LDAH: variants seen among roughly 807,000 people sequenced by gnomAD.
LDAH encodes lipid droplet associated hydrolase.
LDAH carries 26 observed loss-of-function variants against 29.6 expected under a neutral mutation model. The ratio of observed to expected loss-of-function variants is 0.88; its 90% CI spans 0.64 to 1.22. The LOEUF (loss-of-function observed/expected upper bound fraction) is 1.22. Among genes scored for constraint, LDAH ranks in the 50% most tolerant of loss-of-function variants. The probability of loss-of-function intolerance (pLI) is 0.00; values close to 1 mark genes in which losing one functional copy is unlikely to be tolerated. For synonymous variants in LDAH, 117 were observed against 133.0 expected (o/e 0.88, Z 0.83); for missense variants, 344 against 387.3 (o/e 0.89, Z 0.94).
intron 1 of LDAH, among the ~76,000 whole-genome samples, chr2:20,816,658 C>T (rs1365697248): frequency 6.6e-6 from 1 of 151,930 alleles, no homozygotes; most frequent in African/African-American, 2.4e-5. Flanking sequence ...GGATCTTCAG[C>T]AACGAAAATA....
intron 3 of LDAH, among the ~76,000 whole-genome samples, chr2:20,775,220 T>C (rs1669726319): frequency 6.6e-6 from 1 of 152,230 alleles, no homozygotes; most frequent in South Asian, 2.1e-4. Context: ...AGGTGACAGA[T>C]TAATAGTCAC....
intron 5 of LDAH, among the ~76,000 whole-genome samples, chr2:20,721,293 T>C (rs1172351683): frequency 6.6e-6 from 1 of 151,928 alleles, no homozygotes; most frequent in Non-Finnish European, 1.5e-5. Flanking sequence ...TGATGACAAA[T>C]AATCTGAATA....
At chr2:20,776,137 T>A (rs898170404) in intron 3 of LDAH, among the ~76,000 whole-genome samples, 1 of 152,190 alleles carries the variant, frequency 6.6e-6, no homozygotes, top group Non-Finnish European at 1.5e-5. Flanking sequence ...TCTCATGACT[T>A]GCAAGGCATT....
chr2:20,708,908 A>G (rs1664501319), intron 5 of LDAH, among the ~76,000 whole-genome samples: 1 of 152,228 alleles, frequency 6.6e-6, no homozygotes, highest in African/African-American at 2.4e-5. Context: ...ATGGGAAAAG[A>G]TCATATGTCT....
intron 4 of LDAH, among the ~76,000 whole-genome samples, chr2:20,748,778 A>T (rs586277): frequency 0.67 from 101,357 of 151,972 alleles, 34,447 homozygotes; most frequent in East Asian, 0.87. Context: ...TTTGGCAATA[A>T]CAGGCCTTTC....
intron 1 of LDAH, among the ~76,000 whole-genome samples, chr2:20,821,206 G>A (rs910634414): frequency 1.3e-5 from 2 of 152,204 alleles, no homozygotes; most frequent in African/African-American, 4.8e-5. Context: ...AAGTCAGTGT[G>A]GCGATTCCTC....
At chr2:20,723,653 C>G (rs1174183757) in intron 5 of LDAH, among the ~76,000 whole-genome samples, 1 of 152,048 alleles carries the variant, frequency 6.6e-6, no homozygotes, top group Admixed American at 6.5e-5. Context: ...CCAAGGAAGC[C>G]ATCTTTGTCA....
chr2:20,704,998 C>G (rs554107376), intron 5 of LDAH, among the ~76,000 whole-genome samples: 2 of 152,356 alleles, frequency 1.3e-5, no homozygotes, highest in South Asian at 4.1e-4. Flanking sequence ...TGCCACTTCT[C>G]TGGACTGGAT....
chr2:20,746,218 A>G (rs1315891962), intron 4 of LDAH, among the ~76,000 whole-genome samples: 1 of 152,232 alleles, frequency 6.6e-6, no homozygotes, highest in Non-Finnish European at 1.5e-5. Context: ...CCCATAGTAC[A>G]TAAGGAACTT....
intron 5 of LDAH, among the ~76,000 whole-genome samples, chr2:20,728,691 C>T (rs1489577945): frequency 6.6e-6 from 1 of 151,954 alleles, no homozygotes; most frequent in Non-Finnish European, 1.5e-5. Flanking sequence ...AGGCTGGCTA[C>T]TAGGAAGTGA....
intron 2 of LDAH, among the ~76,000 whole-genome samples, chr2:20,793,090 C>T (rs1012845985): frequency 6.6e-6 from 1 of 151,860 alleles, no homozygotes; most frequent in Non-Finnish European, 1.5e-5. Context: ...TTCTTTTAGC[C>T]CTCAATTATT....
chr2:20,766,932 A>G (rs1227473124), intron 4 of LDAH, among the ~76,000 whole-genome samples: 1 of 152,150 alleles, frequency 6.6e-6, no homozygotes, highest in Non-Finnish European at 1.5e-5. Flanking sequence ...AGGGCCGCCC[A>G]GGGCTCTGTC....
At chr2:20,754,500 CAA>C (rs61076745) in intron 4 of LDAH, among the ~76,000 whole-genome samples, 190 of 77,422 alleles carry the variant, frequency 2.5e-3, no homozygotes, top group African/African-American at 6.8e-3. Context: ...ACCCTCGCCA[CAA>C]AAAAAAAAAA....
chr2:20,729,197 T>C (rs951702317), intron 5 of LDAH, among the ~76,000 whole-genome samples: 3 of 143,980 alleles, frequency 2.1e-5, no homozygotes, highest in African/African-American at 7.4e-5. Context: ...ATTATTGCAA[T>C]TAAAAGGAAG....
At chr2:20,741,293 C>G (rs1364478016) in intron 4 of LDAH, among the ~76,000 whole-genome samples, 2 of 152,086 alleles carry the variant, frequency 1.3e-5, no homozygotes, top group Admixed American at 1.3e-4. Flanking sequence ...TCTGTTATTT[C>G]TTTCAGGGAC....
At position 20,685,842 on chromosome 2, in the gene LDAH, G is replaced by A. The variant is rs1165887444; in HGVS notation, c.*1061C>T. ...TGAATTCACATAACTTAATGGCTGGGTTTGGTTCATTAACAAAATAATTTC... is the reference window on the plus strand; with the variant it reads ...TGAATTCACATAACTTAATGGCTGGATTTGGTTCATTAACAAAATAATTTC... On this transcript the variant is annotated 3_prime_UTR_variant, in exon 7 of 7. Transcript: ENST00000237822. 4.5e-5 allele frequency: 27 copies of A among 604,916 alleles called. No homozygotes were observed. The South Asian group carries it at 1.1e-3, about 24-fold the overall frequency. 37.5% of individuals were successfully genotyped at this position (604,916 alleles called of 1,614,324 possible). A position where few individuals can be genotyped will look rare whatever the true frequency, so the allele number is the denominator to read the frequency against.
chr2:20,789,266 T>A, intron 3 of LDAH: 1 of 1,550,530 alleles, frequency 6.4e-7, no homozygotes, highest in Non-Finnish European at 8.7e-7. Context: ...GATGGGGTCA[T>A]GAGGGTAGAG....
At chr2:20,689,469 C>T (rs536662824) in intron 6 of LDAH, among the ~76,000 whole-genome samples, 17 of 152,294 alleles carry the variant, frequency 1.1e-4, no homozygotes, top group African/African-American at 4.1e-4. Context: ...TTCTGTAGCT[C>T]TAAAATGCTG....
intron 4 of LDAH, among the ~76,000 whole-genome samples, chr2:20,772,790 C>T (rs536340475): frequency 9.2e-5 from 14 of 152,180 alleles, no homozygotes; most frequent in African/African-American, 2.4e-4. Flanking sequence ...TGGCCTCCCC[C>T]CAAATGCCAC....
Sources: gnomAD v4.1 joint callset for allele counts (sites outside exome capture counted in the v4.1 genomes callset) on GRCh38, gnomAD v4.1.1 for gene constraint, MANE v1.5 for transcripts, NCBI Gene and HGNC (gene_info 2026-07-23, HGNC 2026-07-21) for gene names.